LTBP1: variants seen among roughly 807,000 people sequenced by gnomAD.
LTBP1 encodes the protein latent-transforming growth factor beta-binding protein 1.
LTBP1 carries 129 observed loss-of-function variants against 207.6 expected under a neutral mutation model. That is an observed-to-expected ratio of 0.62 (90% CI 0.54 to 0.72). LTBP1 has a LOEUF of 0.72. Ranked by LOEUF, LTBP1 falls within the 30% of genes least tolerant of loss-of-function variation. The pLI is 0.00. For synonymous variants in LTBP1, 963 were observed against 833.7 expected (o/e 1.16, Z -2.67); for missense variants, 2,281 against 2,217.2 (o/e 1.03, Z -0.58).
intron 5 of LTBP1, among the ~76,000 whole-genome samples, chr2:33,172,074 C>G (rs865828517): frequency 9.2e-5 from 14 of 152,018 alleles, no homozygotes; most frequent in African/African-American, 2.9e-4. Context: ...TAAAGACCAT[C>G]GAGGCTAGGA....
intron 2 of LTBP1, among the ~76,000 whole-genome samples, chr2:32,964,996 C>T (rs577714676): frequency 3.3e-5 from 5 of 151,998 alleles, no homozygotes; most frequent in East Asian, 1.9e-4. Flanking sequence ...GCTGAGATCG[C>T]GCCATTGCAC....
In LTBP1 at chr2:33,215,140, TATA is replaced by T. The variant is rs200898473; in HGVS notation, c.1702-2397_1702-2395del. ...ACATCTGGAGTAGGGAGCTTTTATC[TATA>T]ATAATAATAATAATGATAATGGTAA... On this transcript the variant is annotated intron_variant, in intron 7 of 33. Transcript: ENST00000404816. 8.5e-4 allele frequency among the ~76,000 whole-genome samples: 130 copies of T among 152,110 alleles called. 1 individual carries two copies. Among genetic ancestry groups the T allele is most frequent in the African/African-American group, 3.1e-3 (127 of 41,474 alleles).
intron 3 of LTBP1, among the ~76,000 whole-genome samples, chr2:33,043,308 G>T (rs908073626): frequency 6.6e-6 from 1 of 151,870 alleles, no homozygotes; most frequent in African/African-American, 2.4e-5. Flanking sequence ...ATAATAATTG[G>T]TCAAGAATTT....
chr2:33,079,152 T>C (rs1017420179), intron 3 of LTBP1, among the ~76,000 whole-genome samples: 4 of 152,208 alleles, frequency 2.6e-5, no homozygotes. Flanking sequence ...TGTAATACTG[T>C]TTATTTAACA....
chr2:33,122,648 C>A (rs1025911655), intron 4 of LTBP1, among the ~76,000 whole-genome samples: 1 of 152,208 alleles, frequency 6.6e-6, no homozygotes, highest in African/African-American at 2.4e-5. Flanking sequence ...GCCAATCCTA[C>A]CACGTTAATG....
At chr2:33,283,061 C>CAAAAAAA (rs201168175) in intron 19 of LTBP1, among the ~76,000 whole-genome samples, 3 of 49,466 alleles carry the variant, frequency 6.1e-5, no homozygotes, top group African/African-American at 1.4e-4. Flanking sequence ...GACTCCATCT[C>CAAAAAAA]AAAAAAAAAA....
intron 24 of LTBP1, among the ~76,000 whole-genome samples, chr2:33,334,595 A>T (rs573511130): frequency 6.6e-6 from 1 of 152,068 alleles, no homozygotes; most frequent in South Asian, 2.1e-4. Context: ...ATCAAGGATG[A>T]CTCCCACATT....
At chr2:33,357,910 T>C (rs1395062496) in intron 26 of LTBP1, among the ~76,000 whole-genome samples, 1 of 152,178 alleles carries the variant, frequency 6.6e-6, no homozygotes, top group African/African-American at 2.4e-5. Context: ...GTTTCCAATA[T>C]AGAAACCCTC....
intron 15 of LTBP1, among the ~76,000 whole-genome samples, chr2:33,270,243 G>A (rs1430282503): frequency 6.6e-6 from 1 of 151,388 alleles, no homozygotes; most frequent in Non-Finnish European, 1.5e-5. Flanking sequence ...TTTTTGATAA[G>A]TAGTGAATAG....
At chr2:33,201,231 T>C (rs2089217365) in intron 7 of LTBP1, among the ~76,000 whole-genome samples, 1 of 152,080 alleles carries the variant, frequency 6.6e-6, no homozygotes, top group South Asian at 2.1e-4. Context: ...CCAACCCAAA[T>C]GGCCAACAAT....
chr2:33,143,103 G>A (rs571904363), intron 5 of LTBP1, among the ~76,000 whole-genome samples: 15 of 152,158 alleles, frequency 9.9e-5, no homozygotes, highest in African/African-American at 3.6e-4. Context: ...GTGCTCCGGG[G>A]TGTCTTGTGC....
At chr2:33,298,159 C>G (rs1264266830) in intron 20 of LTBP1, among the ~76,000 whole-genome samples, 2 of 152,146 alleles carry the variant, frequency 1.3e-5, no homozygotes, top group Non-Finnish European at 2.9e-5. Context: ...CTCAGAAATG[C>G]TATCCCTCAT....
chr2:33,328,162 T>TAAATA (rs1412782478), intron 24 of LTBP1, among the ~76,000 whole-genome samples: 12 of 145,928 alleles, frequency 8.2e-5, no homozygotes, highest in African/African-American at 3.0e-4. Flanking sequence ...AATAAATAAA[T>TAAATA]AAATAAAATA....
chr2:33,078,825 T>TTCTTC (rs1196868796), intron 3 of LTBP1, among the ~76,000 whole-genome samples: 4 of 150,582 alleles, frequency 2.7e-5, no homozygotes, highest in East Asian at 2.0e-4. Context: ...AATTTTTCTT[T>TTCTTC]TCTTCTCTTC....
At position 33,363,532 on chromosome 2, in the gene LTBP1, G is replaced by T. The variant is rs2094949803; in HGVS notation, c.4399+14G>T. Reference sequence around the variant, plus strand: ...TGCAGTGCTTTGGTAAGCTTTAGGGGGATATAGTATGGTGTACTGTGAAAA... The same window carrying T: ...TGCAGTGCTTTGGTAAGCTTTAGGGTGATATAGTATGGTGTACTGTGAAAA... On this transcript the variant is annotated intron_variant, in intron 29 of 33. Coordinates refer to ENST00000404816, the MANE Select transcript of LTBP1 (RefSeq NM_206943.4). 1 of 1,612,530 alleles carries T rather than the reference G, an allele frequency of 6.2e-7. No individual in the cohort carries two copies. Among genetic ancestry groups the T allele is most frequent in the South Asian group, 1.1e-5 (1 of 90,858 alleles).
At chr2:33,149,239 A>AC (rs2083315489) in intron 5 of LTBP1, among the ~76,000 whole-genome samples, 1 of 144,842 alleles carries the variant, frequency 6.9e-6, no homozygotes, top group Non-Finnish European at 1.6e-5. Context: ...AAAAAAAAAA[A>AC]AAAAAAAAAA....
chr2:33,217,820 AG>A lies in LTBP1; in HGVS notation c.1804+167del, dbSNP rs576867936. 1.0e-3 allele frequency among the ~76,000 whole-genome samples: 156 copies of A among 152,310 alleles called. 1 individual carries two copies. Among genetic ancestry groups the A allele is most frequent in the African/African-American group, 3.6e-3 (148 of 41,574 alleles). ...TCCAGAAAATTTGCAAGTCTGAAAAAGTTTTCATGTCAATTATTTTGTAATA... is the reference window on the plus strand; with the variant it reads ...TCCAGAAAATTTGCAAGTCTGAAAAATTTTCATGTCAATTATTTTGTAATA... On this transcript the variant is annotated intron_variant, in intron 8 of 33. Coordinates refer to ENST00000404816, the MANE Select transcript of LTBP1 (RefSeq NM_206943.4).
At chr2:33,347,240 G>T in intron 25 of LTBP1, 127 bp from the exon 26 acceptor site, 1 of 967,994 alleles carries the variant, frequency 1.0e-6, no homozygotes, top group Non-Finnish European at 1.6e-6. Flanking sequence ...GAGCAGAAGG[G>T]GTTTGACTGC....
In LTBP1 at chr2:33,169,292, C is replaced by T. The variant is rs865876366; in HGVS notation, c.1202-17564C>T. Reference sequence around the variant, plus strand: ...TCTGTTCTTCCATTCCTAACTCCACCCGAAACTGCCACATTATATTTTTCT... The same window carrying T: ...TCTGTTCTTCCATTCCTAACTCCACTCGAAACTGCCACATTATATTTTTCT... On this transcript the variant is annotated intron_variant, in intron 5 of 33. Transcript: ENST00000404816. Among the ~76,000 whole-genome samples the T allele has an allele frequency of 3.3e-5, 5 of 152,290 alleles. No homozygotes were observed. In the South Asian group the frequency reaches 1.0e-3, roughly 32 times the overall value.
Sources: allele counts gnomAD v4.1 joint callset (sites outside exome capture counted in the v4.1 genomes callset), GRCh38; gene constraint gnomAD v4.1.1; transcripts MANE v1.5; gene names NCBI Gene and HGNC (gene_info 2026-07-23, HGNC 2026-07-21).